NLRP14: variants seen among roughly 807,000 people sequenced by gnomAD.
NLRP14 encodes NACHT, LRR and PYD domains-containing protein 14.
In NLRP14, 105 loss-of-function variants were observed where a neutral mutation model predicts 94.7. The ratio of observed to expected loss-of-function variants is 1.11; its 90% CI spans 0.95 to 1.30. The LOEUF (loss-of-function observed/expected upper bound fraction) is 1.30, where lower values mean the gene tolerates loss of function less well. Among genes scored for constraint, NLRP14 ranks in the 50% most tolerant of loss-of-function variants. The probability of loss-of-function intolerance (pLI) is 0.00; values close to 1 mark genes in which losing one functional copy is unlikely to be tolerated. For missense variants in NLRP14, 1,362 were observed against 1,254.1 expected, an observed-to-expected ratio of 1.09 and a Z score of -1.30; for synonymous variants, 508 against 459.9, an observed-to-expected ratio of 1.10 and a Z score of -1.34.
At position 7,042,471 on chromosome 11, in the gene NLRP14, G is replaced by T. The variant is rs760704796; in HGVS notation, c.445G>T (p.Asp149Tyr). ...GAAGTCTTTGGCTGGAAAGCCTGAA[G>T]ATTTCCATCATGGAATTGCAGAGAA... ...DKKSLAGKPE[D>Y]FHHGIAEKDR... Residue 149 changes from aspartate to tyrosine, a missense_variant, in exon 4 of 12, where the codon GAT becomes TAT. Physicochemically the swap from Asp to Tyr is radical, Grantham distance 160 (BLOSUM62 -3). Transcript: ENST00000299481. 1 of 1,614,084 alleles carries T rather than the reference G, an allele frequency of 6.2e-7. No homozygotes were observed. The highest frequency in any genetic ancestry group is 1.1e-5 in the South Asian group (1 of 91,080).
At chr11:7,060,945 C>A (rs1344557926) in intron 9 of NLRP14, among the ~76,000 whole-genome samples, 1 of 151,976 alleles carries the variant, frequency 6.6e-6, no homozygotes, top group Non-Finnish European at 1.5e-5. Flanking sequence ...TATTTCATTG[C>A]ATAAATACTT....
chr11:7,086,919 G>C, the NLRP14 span, among the ~76,000 whole-genome samples: 1 of 152,110 alleles, frequency 6.6e-6, no homozygotes, highest in African/African-American at 2.4e-5. Flanking sequence ...TGGAAGTTAA[G>C]AGTCAGGAGA....
chr11:7,061,574 T>G (rs1255910737), intron 9 of NLRP14, among the ~76,000 whole-genome samples: 1 of 152,002 alleles, frequency 6.6e-6, no homozygotes, highest in Non-Finnish European at 1.5e-5. Flanking sequence ...TGTCCCCAAA[T>G]AACATAAAAT....
At chr11:7,040,107 T>A (rs7103238) in intron 3 of NLRP14, among the ~76,000 whole-genome samples, 3 of 151,978 alleles carry the variant, frequency 2.0e-5, no homozygotes, top group South Asian at 4.1e-4. Flanking sequence ...TTATCACATC[T>A]ACTTTCTTTA....
the NLRP14 span, among the ~76,000 whole-genome samples, chr11:7,083,395 A>G: frequency 2.0e-5 from 3 of 152,208 alleles, no homozygotes; most frequent in African/African-American, 7.2e-5. Context: ...GTCTGATGAA[A>G]TGTTACTTGG....
the NLRP14 span, chr11:7,089,199 G>A: frequency 5.2e-5 from 84 of 1,613,770 alleles, no homozygotes; most frequent in Non-Finnish European, 6.4e-5. Context: ...CCTCGAAGCC[G>A]AGTTTGGCAA....
At chr11:7,053,469 TTA>T (rs36002808) in intron 6 of NLRP14, among the ~76,000 whole-genome samples, 82,757 of 146,782 alleles carry the variant, frequency 0.56, 23,824 homozygotes, top group East Asian at 0.73. Flanking sequence ...ATGATTTAAA[TTA>T]TATATATATA....
intron 8 of NLRP14, among the ~76,000 whole-genome samples, chr11:7,059,296 T>C (rs1487141976): frequency 1.3e-5 from 2 of 151,726 alleles, no homozygotes; most frequent in African/African-American, 4.8e-5. Flanking sequence ...AAGTTTAAAA[T>C]TTTTTGTGAT....
At chr11:7,080,231 G>A in the NLRP14 span, among the ~76,000 whole-genome samples, 2 of 152,226 alleles carry the variant, frequency 1.3e-5, no homozygotes. Context: ...CCCTTAAAGT[G>A]TGGGTCTGCA....
intron 6 of NLRP14, among the ~76,000 whole-genome samples, chr11:7,053,476 T>A (rs987420206): frequency 1.3e-5 from 2 of 149,032 alleles, no homozygotes; most frequent in African/African-American, 4.9e-5. Flanking sequence ...AAATTATATA[T>A]ATATATATAC....
At chr11:7,074,484 A>G (rs1398616589), downstream of NLRP14, among the ~76,000 whole-genome samples, 1 of 152,266 alleles carries the variant, frequency 6.6e-6, no homozygotes, top group African/African-American at 2.4e-5. Context: ...CTTCACAGAC[A>G]ACAGGATTTC....
intron 11 of NLRP14, among the ~76,000 whole-genome samples, chr11:7,070,960 CTTCTG>C (rs1215895761): frequency 6.6e-6 from 1 of 152,138 alleles, no homozygotes; most frequent in Non-Finnish European, 1.5e-5. Flanking sequence ...TTCTCTTTCT[CTTCTG>C]TTAATTTATT....
chr11:7,039,439 A>T lies in NLRP14; in HGVS notation c.290-275A>T, dbSNP rs76261649. Among the ~76,000 whole-genome samples, 4,752 of 152,154 alleles carry T rather than the reference A, an allele frequency of 0.031. 141 individuals carry two copies. The highest frequency in any genetic ancestry group is 0.13 in the East Asian group (655 of 5,166). On this transcript the variant is annotated intron_variant, in intron 2 of 11. Coordinates refer to ENST00000299481, the MANE Select transcript of NLRP14 (RefSeq NM_176822.4). ...CCGTATCGTAGTGAAGTCAGTATAG[A>T]CAAGGAAACTGAGGCTTATACACTA...
chr11:7,088,222 T>C, the NLRP14 span, among the ~76,000 whole-genome samples: 1 of 152,174 alleles, frequency 6.6e-6, no homozygotes, highest in Non-Finnish European at 1.5e-5. Context: ...CGAAAAACAA[T>C]GGATATCGTA....
At chr11:7,070,043 A>G (rs966521086) in intron 10 of NLRP14, among the ~76,000 whole-genome samples, 1 of 152,136 alleles carries the variant, frequency 6.6e-6, no homozygotes, top group East Asian at 1.9e-4. Context: ...GTGCTTGCAT[A>G]TTTTATTTAT....
At position 7,043,699 on chromosome 11, in the gene NLRP14, C is replaced by A. The variant is rs751350095; in HGVS notation, c.1673C>A (p.Ser558Ter). Residue 558 changes from serine to a stop codon, truncating the protein, a stop_gained, in exon 4 of 12, where the codon TCA becomes TAA. Coordinates refer to ENST00000299481, the MANE Select transcript of NLRP14 (RefSeq NM_176822.4). LOFTEE classifies it high-confidence loss of function. ...FNCKMSLKIK[S>*]KLLQCMEVLG... ...TGTAAAATGTCACTGAAGATAAAAT[C>A]AAAGTTACTTCAGTGTATGGAAGTA... The A allele has an allele frequency of 6.2e-7, 1 of 1,613,862 alleles. No individual in the cohort carries two copies. Among genetic ancestry groups the A allele is most frequent in the Non-Finnish European group, 8.5e-7 (1 of 1,179,814 alleles).
rs547214951 is a variant in NLRP14, at chr11:7,066,517, G to T, written c.2976-3769G>T. 1.2e-4 allele frequency among the ~76,000 whole-genome samples: 18 copies of T among 152,270 alleles called. No individual in the cohort carries two copies. The East Asian group carries it at 2.1e-3, about 18-fold the overall frequency. On this transcript the variant is annotated intron_variant, in intron 10 of 11. Coordinates refer to ENST00000299481, the MANE Select transcript of NLRP14 (RefSeq NM_176822.4). The stretch of plus-strand genomic sequence containing the variant: ...CCACATAAATGTCTTCTTTTGAGAA[G>T]TGTCTGTTCATATCCTTTGCCCACT...
intron 1 of NLRP14, among the ~76,000 whole-genome samples, chr11:7,021,734 A>T (rs771467297): frequency 2.6e-5 from 4 of 151,718 alleles, no homozygotes; most frequent in Non-Finnish European, 5.9e-5. Context: ...GGTGTGCTGC[A>T]CCCATTAAAT....
chr11:7,048,235 A>G (rs1226236048), intron 5 of NLRP14, among the ~76,000 whole-genome samples: 3 of 152,174 alleles, frequency 2.0e-5, no homozygotes, highest in Non-Finnish European at 4.4e-5. Flanking sequence ...CTAACCTGTT[A>G]GGAATAAGGG....
Sources: allele counts gnomAD v4.1 joint callset (sites outside exome capture counted in the v4.1 genomes callset), GRCh38; gene constraint gnomAD v4.1.1; transcripts MANE v1.5; gene names NCBI Gene and HGNC (gene_info 2026-07-23, HGNC 2026-07-21).